Variants in TICAM2 observed in about 807,000 individuals in gnomAD.
The protein encoded by TICAM2 is TIR domain containing adaptor molecule 2.
A neutral mutation model predicts 7.3 loss-of-function variants in TICAM2; 8 were observed. The ratio of observed to expected loss-of-function variants is 1.10; its 90% confidence interval spans 0.65 to 1.99. TICAM2 has a LOEUF of 1.99. TICAM2 is among the 30% of genes most tolerant of loss of function. The pLI, the probability that TICAM2 is intolerant of heterozygous loss-of-function variation, is 0.00. For synonymous variants in TICAM2, 113 were observed against 99.6 expected, an observed-to-expected ratio of 1.13 and a Z score of -0.80; for missense variants, 304 against 278.8, an observed-to-expected ratio of 1.09 and a Z score of -0.65.
Position 115,580,897 on chromosome 5 carries a change from C to G in TICAM2, c.360G>C (p.Gln120His), listed in dbSNP as rs1754896293. 1 of 1,613,598 alleles carries G rather than the reference C, an allele frequency of 6.2e-7. No homozygotes were observed. Among genetic ancestry groups the G allele is most frequent in the African/African-American group, 1.3e-5 (1 of 74,908 alleles). Residue 120 changes from glutamine to histidine, a missense_variant, in exon 2 of 2, where the codon CAG (glutamine) becomes CAC (histidine). Physicochemically the swap from Gln to His is conservative, Grantham distance 24 (BLOSUM62 0). Coordinates refer to ENST00000427199, the MANE Select transcript of TICAM2 (RefSeq NM_021649.7). ...CAGCATCATCTAAATTCTGTAAATG[C>G]TGTCTGCCACATGGCATCTCAGCAA... ...IIFAEMPCGR[Q>H]HLQNLDDAVN...
At chr5:115,599,178 G>C (rs763075650) in intron 1 of TICAM2, among the ~76,000 whole-genome samples, 1 of 151,964 alleles carries the variant, frequency 6.6e-6, no homozygotes, top group African/African-American at 2.4e-5. Context: ...CTGAACAAGT[G>C]TCTTTATTTT....
In TICAM2 at chr5:115,580,653, A is replaced by G; in HGVS notation, c.604T>C (p.Phe202Leu). ...INALEEESRGFPTQVERIFQE... is the reference protein window; with the variant it reads ...INALEEESRGLPTQVERIFQE... ...AAAATTCTTTCTACTTGTGTAGGAA[A>G]TCCACGACTTTCTTCCTCTAAGGCA... Residue 202 changes from phenylalanine to leucine, a missense_variant, in exon 2 of 2, where the codon TTT becomes CTT. Coordinates refer to ENST00000427199, the MANE Select transcript of TICAM2 (RefSeq NM_021649.7). 1 of 1,581,192 alleles carries G rather than the reference A, an allele frequency of 6.3e-7. No individual in the cohort carries two copies. Among genetic ancestry groups the G allele is most frequent in the South Asian group, 1.2e-5 (1 of 84,550 alleles).
chr5:115,579,373 C>T lies in TICAM2; in HGVS notation c.*1176G>A. On this transcript the variant is annotated 3_prime_UTR_variant, in exon 2 of 2. Coordinates refer to ENST00000427199, the MANE Select transcript of TICAM2 (RefSeq NM_021649.7). The stretch of plus-strand genomic sequence containing the variant: ...TAAAGGAGGGTAAATAGTTTGCCCA[C>T]AGTTACATTCATCCTCAGTGGCAGA... 1 of 152,362 alleles carries T rather than the reference C, an allele frequency of 6.6e-6. No homozygotes were observed. The highest frequency in any genetic ancestry group is 1.9e-4 in the East Asian group (1 of 5,196). 9.4% of individuals were successfully genotyped at this position (152,362 alleles called of 1,614,324 possible).
intron 1 of TICAM2, among the ~76,000 whole-genome samples, chr5:115,596,866 C>T (rs1755531786): frequency 6.6e-6 from 1 of 152,112 alleles, no homozygotes; most frequent in Non-Finnish European, 1.5e-5. Flanking sequence ...TTGCAGTGAG[C>T]CGAGATCACG....
intron 1 of TICAM2, among the ~76,000 whole-genome samples, chr5:115,583,864 TCTC>T (rs1464678632): frequency 2.0e-4 from 31 of 152,300 alleles, no homozygotes; most frequent in African/African-American, 2.4e-5. Context: ...CCTTTAAAGT[TCTC>T]CTCCTCCATC....
Position 115,580,398 on chromosome 5 carries a change from C to T in TICAM2, c.*151G>A. 9.6e-7 allele frequency: 1 copy of T among 1,039,654 alleles called. No homozygotes were observed. The highest frequency in any genetic ancestry group is 1.3e-6 in the Non-Finnish European group (1 of 779,110). The allele number at this position is 1,039,654 out of a possible 1,614,324, so 64.4% of individuals were successfully genotyped here. ...AAAGTACCACAATTTTATAGGCTGT[C>T]CTGCAGAAATTTATCTTTCTTGTGC... On this transcript the variant is annotated 3_prime_UTR_variant, in exon 2 of 2. Transcript: ENST00000427199.
At chr5:115,585,340 T>C (rs1293089337) in intron 1 of TICAM2, among the ~76,000 whole-genome samples, 3 of 152,200 alleles carry the variant, frequency 2.0e-5, no homozygotes, top group African/African-American at 7.2e-5. Flanking sequence ...ATGAACAAGA[T>C]GCCAGTCTCT....
chr5:115,586,961 C>T (rs1755127560), intron 1 of TICAM2, among the ~76,000 whole-genome samples: 1 of 152,086 alleles, frequency 6.6e-6, no homozygotes, highest in South Asian at 2.1e-4. Flanking sequence ...GGACGCTTCA[C>T]CCTTGCAAGA....
rs547988471 is a variant in TICAM2, at chr5:115,591,928, A to C, written c.-60+10169T>G. Among the ~76,000 whole-genome samples, 7 of 152,282 alleles carry C rather than the reference A, an allele frequency of 4.6e-5. No homozygotes were observed. In the South Asian group the frequency reaches 1.2e-3, roughly 27 times the overall value. The stretch of plus-strand genomic sequence containing the variant: ...GAAAAACATCAGATCACACATTTTT[A>C]AAAGTCCTATGAACTTCAAGGAAAA... On this transcript the variant is annotated intron_variant, in intron 1 of 1. Coordinates refer to ENST00000427199, the MANE Select transcript of TICAM2 (RefSeq NM_021649.7).
Position 115,602,431 on chromosome 5 carries a change from C to T in TICAM2, c.-394G>A, listed in dbSNP as rs1429637014. ...TTGCCGTGGCAGGCCCCACCCGGGA[C>T]GTGGCGCTGCGGGCCGGGGCGGTCC... On this transcript the variant is annotated 5_prime_UTR_variant, in exon 1 of 2. Coordinates refer to ENST00000427199, the MANE Select transcript of TICAM2 (RefSeq NM_021649.7). The T allele has an allele frequency of 6.6e-6, 1 of 152,522 alleles. No homozygotes were observed. The highest frequency in any genetic ancestry group is 2.4e-5 in the African/African-American group (1 of 41,444). 9.4% of individuals were successfully genotyped at this position (152,522 alleles called of 1,614,324 possible). A position where few individuals can be genotyped will look rare whatever the true frequency, so the allele number is the denominator to read the frequency against.
chr5:115,593,354 C>T (rs771864991), intron 1 of TICAM2, among the ~76,000 whole-genome samples: 2 of 151,910 alleles, frequency 1.3e-5, no homozygotes, highest in South Asian at 2.1e-4. Flanking sequence ...TCAACATAAA[C>T]AATTCAACTG....
intron 1 of TICAM2, among the ~76,000 whole-genome samples, chr5:115,586,565 C>G (rs1446244738): frequency 6.6e-6 from 1 of 152,136 alleles, no homozygotes; most frequent in East Asian, 1.9e-4. Flanking sequence ...AAAGACAGTG[C>G]TTAACCGACT....
Position 115,580,392 on chromosome 5 carries a change from G to T in TICAM2, c.*157C>A. 1.0e-6 allele frequency: 1 copy of T among 970,510 alleles called. No individual in the cohort carries two copies. The highest frequency in any genetic ancestry group is 1.4e-6 in the Non-Finnish European group (1 of 722,098). The allele number at this position is 970,510 out of a possible 1,614,324, so 60.1% of individuals were successfully genotyped here. A position where few individuals can be genotyped will look rare whatever the true frequency, so the allele number is the denominator to read the frequency against. On this transcript the variant is annotated 3_prime_UTR_variant, in exon 2 of 2. Transcript: ENST00000427199. ...CATCAAAAAGTACCACAATTTTATA[G>T]GCTGTCCTGCAGAAATTTATCTTTC...
At chr5:115,597,270 T>C (rs1055391884) in intron 1 of TICAM2, among the ~76,000 whole-genome samples, 1 of 152,218 alleles carries the variant, frequency 6.6e-6, no homozygotes, top group African/African-American at 2.4e-5. Context: ...TTTGTCAGTT[T>C]CTCAAACTGG....
In TICAM2 at chr5:115,580,756, G is replaced by A. The variant is rs1346663956; in HGVS notation, c.501C>T (p.Tyr167=). 1 of 1,600,352 alleles carries A rather than the reference G, an allele frequency of 6.2e-7. No homozygotes were observed. The highest frequency in any genetic ancestry group is 1.3e-5 in the African/African-American group (1 of 74,182). The change falls in exon 2 of 2, where the codon TAC becomes TAT. Residue 167 remains tyrosine, a synonymous_variant. Transcript: ENST00000427199. ...LMNSVNRQHK[Y]NSVIPMRPLN... The stretch of plus-strand genomic sequence containing the variant: ...GGGGCCGCATGGGTATAACAGAGTT[G>A]TATTTATGCTGCCTGTTAACGGAGT...
At chr5:115,589,104 T>C (rs1445182483) in intron 1 of TICAM2, among the ~76,000 whole-genome samples, 2 of 152,268 alleles carry the variant, frequency 1.3e-5, no homozygotes, top group Non-Finnish European at 2.9e-5. Flanking sequence ...ACATTTTTAT[T>C]GGAAGGCAGA....
chr5:115,594,582 G>C (rs2127203325), intron 1 of TICAM2, among the ~76,000 whole-genome samples: 1 of 152,286 alleles, frequency 6.6e-6, no homozygotes, highest in African/African-American at 2.4e-5. Context: ...ATGGCAGCTT[G>C]ACAAGGTGTT....
chr5:115,601,462 T>G (rs1015653563), intron 1 of TICAM2, among the ~76,000 whole-genome samples: 4 of 152,136 alleles, frequency 2.6e-5, no homozygotes, highest in African/African-American at 9.7e-5. Context: ...ACGTGCAATG[T>G]GGGTTCAGGG....
At chr5:115,583,978 C>T (rs1755018257) in intron 1 of TICAM2, among the ~76,000 whole-genome samples, 2 of 152,062 alleles carry the variant, frequency 1.3e-5, no homozygotes, top group Non-Finnish European at 2.9e-5. Context: ...CATGTGAGAC[C>T]ACTGTTCATA....
Sources: gnomAD v4.1 joint callset for allele counts (sites outside exome capture counted in the v4.1 genomes callset) on GRCh38, gnomAD v4.1.1 for gene constraint, MANE v1.5 for transcripts, NCBI Gene and HGNC (gene_info 2026-07-23, HGNC 2026-07-21) for gene names.